KLRG1: variants seen among roughly 807,000 people sequenced by gnomAD.
KLRG1 encodes killer cell lectin-like receptor subfamily G member 1.
Under a neutral mutation model 21.8 loss-of-function variants are expected in KLRG1, and 16 were observed. The ratio of observed to expected loss-of-function variants is 0.73; its 90% CI spans 0.50 to 1.11. The LOEUF (loss-of-function observed/expected upper bound fraction) is 1.11. Ranked by LOEUF, KLRG1 falls within the 50% of genes most tolerant of loss-of-function variation. The pLI, the probability that KLRG1 is intolerant of heterozygous loss-of-function variation, is 0.00. For missense variants in KLRG1, 173 were observed against 218.3 expected, an observed-to-expected ratio of 0.79 and a Z score of 1.31; for synonymous variants, 69 against 75.9, an observed-to-expected ratio of 0.91 and a Z score of 0.47.
chr12:9,173,281 C>T, the KLRG1 span, among the ~76,000 whole-genome samples: 1 of 152,120 alleles, frequency 6.6e-6, no homozygotes, highest in Non-Finnish European at 1.5e-5. Context: ...CTAATGAGAA[C>T]AAAGAGACAA....
the KLRG1 span, among the ~76,000 whole-genome samples, chr12:9,059,996 CTTTTTTTTTTTTT>C: frequency 2.6e-5 from 2 of 75,568 alleles, no homozygotes; most frequent in Non-Finnish European, 5.0e-5. Flanking sequence ...GCCCTGGCAT[CTTTTTTTTTTTTT>C]TTTTTTTTTT....
At chr12:9,151,930 A>C in the KLRG1 span, among the ~76,000 whole-genome samples, 1 of 152,130 alleles carries the variant, frequency 6.6e-6, no homozygotes, top group African/African-American at 2.4e-5. Context: ...TTGGGATTTA[A>C]ACCATATCCT....
rs1397623294 is a variant in KLRG1 at position 8,983,653 on chromosome 12, G to C, written c.-155-8553G>C. On this transcript the variant is annotated intron_variant, in intron 1 of 4. Transcript: ENST00000539240. ...TGAGCTCAGGTGATCCATGTGCCTT[G>C]GTCTCCTAAAGTGGTGGGATTACAG... 2.6e-5 allele frequency among the ~76,000 whole-genome samples: 4 copies of C among 151,898 alleles called. No homozygotes were observed. The East Asian group carries it at 7.7e-4, about 29-fold the overall frequency.
chr12:9,168,773 A>G, the KLRG1 span: 1 of 898,390 alleles, frequency 1.1e-6, no homozygotes, highest in Non-Finnish European at 1.8e-6. Context: ...TTGTGTGTAT[A>G]AAGTGGAAAT....
chr12:9,192,348 C>A, the KLRG1 span: 9 of 1,372,544 alleles, frequency 6.6e-6, no homozygotes, highest in African/African-American at 1.4e-5. Context: ...GTTGTCAAGT[C>A]TGTGCTGGAG....
chr12:9,072,563 A>T, the KLRG1 span: 42 of 1,599,952 alleles, frequency 2.6e-5, no homozygotes, highest in East Asian at 9.2e-4. Context: ...CCTTTCTCTG[A>T]TCTGTCCCAT....
chr12:9,001,334 A>G (rs1947300354), intron 3 of KLRG1, among the ~76,000 whole-genome samples: 1 of 152,214 alleles, frequency 6.6e-6, no homozygotes, highest in Non-Finnish European at 1.5e-5. Context: ...ATTTTAAAAT[A>G]TGAGACTGTA....
At chr12:9,090,059 T>A in the KLRG1 span, 2 of 1,570,474 alleles carry the variant, frequency 1.3e-6, no homozygotes, top group Non-Finnish European at 1.7e-6. Flanking sequence ...AATAGCATCT[T>A]CCCCTTCCTC....
At chr12:8,959,887 C>A (rs1946355155) in intron 1 of KLRG1, among the ~76,000 whole-genome samples, 1 of 152,090 alleles carries the variant, frequency 6.6e-6, no homozygotes, top group African/African-American at 2.4e-5. Flanking sequence ...TAACTGTATT[C>A]TGTTAGTTTG....
At chr12:8,991,191 C>T (rs146175934) in intron 1 of KLRG1, among the ~76,000 whole-genome samples, 16 of 152,162 alleles carry the variant, frequency 1.1e-4, no homozygotes, top group South Asian at 2.1e-4. Context: ...GCTCGTTACA[C>T]GTAATTTCTA....
At chr12:9,080,019 T>G in the KLRG1 span, 1 of 1,050,660 alleles carries the variant, frequency 9.5e-7, no homozygotes, top group Non-Finnish European at 1.3e-6. Flanking sequence ...TTATTTTTAG[T>G]AAATATTTAT....
At chr12:9,069,833 C>T in the KLRG1 span, 2 of 1,610,980 alleles carry the variant, frequency 1.2e-6, no homozygotes, top group Non-Finnish European at 1.7e-6. Flanking sequence ...ATTGAAATAC[C>T]ACAAATGTTA....
At chr12:9,017,240 G>T in the KLRG1 span, among the ~76,000 whole-genome samples, 1 of 115,294 alleles carries the variant, frequency 8.7e-6, no homozygotes, top group East Asian at 2.5e-4. Flanking sequence ...CTCCAGCCAG[G>T]GCAACAAGAG....
At chr12:9,033,679 C>G in the KLRG1 span, among the ~76,000 whole-genome samples, 2 of 152,152 alleles carry the variant, frequency 1.3e-5, no homozygotes, top group African/African-American at 4.8e-5. Context: ...GACAAAGACA[C>G]TTTTGTGTGA....
the KLRG1 span, among the ~76,000 whole-genome samples, chr12:9,204,242 AAACTTT>A: frequency 6.6e-6 from 1 of 152,232 alleles, no homozygotes; most frequent in Non-Finnish European, 1.5e-5. Flanking sequence ...TGAGCTCTTT[AAACTTT>A]AACTTTGACC....
chr12:9,009,688 G>A lies in KLRG1; in HGVS notation c.*151G>A. ...ATTAGATGCAAGACAACCTCCTAGG[G>A]ATTGATGCCTAACTGATGGATTCTC... On this transcript the variant is annotated 3_prime_UTR_variant, in exon 5 of 5. Coordinates refer to ENST00000356986, the MANE Select transcript of KLRG1 (RefSeq NM_005810.4). 1 of 1,432,620 alleles carries A rather than the reference G, an allele frequency of 7.0e-7. No individual in the cohort carries two copies. Among genetic ancestry groups the A allele is most frequent in the Non-Finnish European group, 9.1e-7 (1 of 1,097,656 alleles). The allele number at this position is 1,432,620 out of a possible 1,614,324, so 88.7% of individuals were successfully genotyped here. A position where few individuals can be genotyped will look rare whatever the true frequency, so the allele number is the denominator to read the frequency against.
the KLRG1 span, among the ~76,000 whole-genome samples, chr12:9,176,126 C>T: frequency 6.6e-6 from 1 of 152,104 alleles, no homozygotes; most frequent in Non-Finnish European, 1.5e-5. Flanking sequence ...TACTATGCAG[C>T]CATAAAAAGG....
the KLRG1 span, among the ~76,000 whole-genome samples, chr12:9,086,199 T>G: frequency 6.6e-6 from 1 of 152,100 alleles, no homozygotes; most frequent in African/African-American, 2.4e-5. Flanking sequence ...AAAAAAGAAT[T>G]ACAGACCAAT....
At chr12:8,976,072 G>A (rs979431640) in intron 1 of KLRG1, among the ~76,000 whole-genome samples, 9 of 151,556 alleles carry the variant, frequency 5.9e-5, no homozygotes, top group Admixed American at 2.0e-4. Flanking sequence ...TTGTTTATTC[G>A]AGATTTTCTT....
Sources: allele counts gnomAD v4.1 joint callset (sites outside exome capture counted in the v4.1 genomes callset), GRCh38; gene constraint gnomAD v4.1.1; transcripts MANE v1.5; gene names NCBI Gene and HGNC (gene_info 2026-07-23, HGNC 2026-07-21).